The following MCU variants were observed in gnomAD, a reference collection of about 807,000 sequenced individuals.
MCU encodes calcium uniporter protein, mitochondrial.
Under a neutral mutation model 45.2 loss-of-function variants are expected in MCU, and 12 were observed. The ratio of observed to expected loss-of-function variants is 0.27; its 90% CI spans 0.17 to 0.43. The LOEUF (loss-of-function observed/expected upper bound fraction) is 0.43. Among genes scored for constraint, MCU ranks in the 20% least tolerant of loss-of-function variants. The pLI is 1.00. For missense variants in MCU, 324 were observed against 436.7 expected (o/e 0.74, Z 2.30); for synonymous variants, 160 against 165.1 (o/e 0.97, Z 0.24).
At position 72,853,060 on chromosome 10, in the gene MCU, A is replaced by T. The variant is rs116177788; in HGVS notation, c.221-6117A>T. Among the ~76,000 whole-genome samples the T allele has an allele frequency of 1.1e-3, 168 of 152,322 alleles. 1 individual carries two copies. Among genetic ancestry groups the T allele is most frequent in the African/African-American group, 3.9e-3 (161 of 41,574 alleles). On this transcript the variant is annotated intron_variant, in intron 2 of 7. Transcript: ENST00000373053. The stretch of plus-strand genomic sequence containing the variant: ...GAAAGGGCCAAACTAACATGCAACT[A>T]ATTTAACTATACAAGATCCAGCACT...
At chr10:72,857,165 T>G (rs1272046839) in intron 2 of MCU, among the ~76,000 whole-genome samples, 1 of 152,134 alleles carries the variant, frequency 6.6e-6, no homozygotes, top group African/African-American at 2.4e-5. Flanking sequence ...TTATGTATCA[T>G]GTAATATGCT....
intron 1 of MCU, among the ~76,000 whole-genome samples, chr10:72,793,030 C>T (rs1589462593): frequency 6.6e-6 from 1 of 152,156 alleles, no homozygotes; most frequent in East Asian, 1.9e-4. Context: ...AGGCGCATGC[C>T]ACCATGCCCG....
chr10:72,817,514 T>C (rs886225089), intron 1 of MCU, among the ~76,000 whole-genome samples: 2 of 152,242 alleles, frequency 1.3e-5, no homozygotes, highest in African/African-American at 2.4e-5. Context: ...AGAATTTTAT[T>C]GTCTTTAAGA....
In MCU at chr10:72,868,714, C is replaced by T. The variant is rs1331392304; in HGVS notation, c.508C>T (p.His170Tyr). 2 of 1,613,066 alleles carry T rather than the reference C, an allele frequency of 1.2e-6. No homozygotes were observed. The highest frequency in any genetic ancestry group is 1.7e-5 in the Admixed American group (1 of 59,634). The change falls in exon 5 of 8, where the codon CAT (histidine) becomes TAT (tyrosine). Residue 170 changes from histidine (H) to tyrosine (Y), a missense_variant. Physicochemically the swap from His to Tyr is moderately conservative, Grantham distance 83. Coordinates refer to ENST00000373053, the MANE Select transcript of MCU (RefSeq NM_138357.3). ...VRPPKRDLLS[H>Y]ENAATLNDVK... is the part of the protein sequence containing the mutation. ...AACTTTTGTTTCAGACCTCTTAAGT[C>T]ATGAAAATGCAGCAACGCTGAATGA... is the stretch of plus-strand genomic sequence containing the variant.
At chr10:72,731,039 T>G (rs907305119) in intron 1 of MCU, 1 of 152,194 alleles carries the variant, frequency 6.6e-6, no homozygotes, top group Non-Finnish European at 1.5e-5. Context: ...CCACCGGCCT[T>G]GGCCTCCCAA....
At chr10:72,751,357 T>C (rs1291801079) in intron 1 of MCU, among the ~76,000 whole-genome samples, 11 of 124,358 alleles carry the variant, frequency 8.8e-5, no homozygotes, top group African/African-American at 3.3e-4. Flanking sequence ...TTTTTTTTTT[T>C]TTTTTTTTTT....
At chr10:72,857,164 A>T (rs1305418256) in intron 2 of MCU, among the ~76,000 whole-genome samples, 1 of 152,064 alleles carries the variant, frequency 6.6e-6, no homozygotes, top group East Asian at 1.9e-4. Context: ...TTTATGTATC[A>T]TGTAATATGC....
intron 1 of MCU, among the ~76,000 whole-genome samples, chr10:72,819,301 A>C (rs927985999): frequency 7.2e-5 from 11 of 152,220 alleles, no homozygotes; most frequent in Admixed American, 7.2e-4. Flanking sequence ...GTAGAAGAGA[A>C]AGAAGAGGGG....
At chr10:72,692,616 C>T (rs866489869) in intron 1 of MCU, 2 of 1,101,154 alleles carry the variant, frequency 1.8e-6, no homozygotes, top group African/African-American at 1.6e-5. Flanking sequence ...CGTTCCCTCC[C>T]TTCTTCGTTC....
chr10:72,848,730 A>ATGTGTG lies in MCU; in HGVS notation c.221-10437_221-10432dup, dbSNP rs67441573. On this transcript the variant is annotated intron_variant, in intron 2 of 7. Coordinates refer to ENST00000373053, the MANE Select transcript of MCU (RefSeq NM_138357.3). ...TGTGTATTGAGATATATGTTTGTGT[A>ATGTGTG]TGTGTGTGTGTGTGTCTGCCTGTGC... 7.3e-5 allele frequency among the ~76,000 whole-genome samples: 11 copies of ATGTGTG among 151,094 alleles called. 1 individual carries two copies. The South Asian group carries it at 2.3e-3, about 32-fold the overall frequency.
intron 1 of MCU, among the ~76,000 whole-genome samples, chr10:72,702,152 G>A (rs1012034278): frequency 6.6e-6 from 1 of 151,630 alleles, no homozygotes; most frequent in Non-Finnish European, 1.5e-5. Flanking sequence ...TTGGGAGGCC[G>A]AGGCAGGAGA....
At chr10:72,856,745 G>A (rs1845295816) in intron 2 of MCU, among the ~76,000 whole-genome samples, 4 of 146,660 alleles carry the variant, frequency 2.7e-5, no homozygotes, top group Admixed American at 1.4e-4. Flanking sequence ...ACCAGCCTGG[G>A]CAACGTGGTG....
At chr10:72,830,463 C>G (rs982712875) in intron 1 of MCU, among the ~76,000 whole-genome samples, 1 of 152,036 alleles carries the variant, frequency 6.6e-6, no homozygotes, top group Middle Eastern at 3.4e-3. Flanking sequence ...TTAAGAGATA[C>G]GGAAGGGGAA....
intron 2 of MCU, among the ~76,000 whole-genome samples, chr10:72,851,244 A>G (rs1845202931): frequency 6.6e-6 from 1 of 152,226 alleles, no homozygotes; most frequent in Non-Finnish European, 1.5e-5. Flanking sequence ...AAAGACCTTC[A>G]TATTCTCTGT....
intron 1 of MCU, among the ~76,000 whole-genome samples, chr10:72,777,731 A>G (rs1309097227): frequency 6.6e-6 from 1 of 152,204 alleles, no homozygotes; most frequent in Non-Finnish European, 1.5e-5. Flanking sequence ...CTGCACAGCA[A>G]AGGAAACAGT....
In MCU at chr10:72,699,888, G is replaced by A. The variant is rs1414388703; in HGVS notation, c.150+7587G>A. Among the ~76,000 whole-genome samples the A allele has an allele frequency of 3.3e-5, 5 of 152,062 alleles. No individual in the cohort carries two copies. In the East Asian group the frequency reaches 9.7e-4, roughly 30 times the overall value. ...GTTACAGGTGTGAGCCACTGCGCCC[G>A]GCCGAAATGGTTTTTTTCTTAGTAG... is the stretch of plus-strand genomic sequence containing the variant. On this transcript the variant is annotated intron_variant, in intron 1 of 7. Transcript: ENST00000373053.
chr10:72,718,419 T>G (rs1842979816), intron 1 of MCU, among the ~76,000 whole-genome samples: 1 of 152,230 alleles, frequency 6.6e-6, no homozygotes, highest in South Asian at 2.1e-4. Context: ...TATTCTAAAG[T>G]AAATTGCCTC....
At chr10:72,824,113 TTTG>T (rs1277203017) in intron 1 of MCU, among the ~76,000 whole-genome samples, 1 of 152,048 alleles carries the variant, frequency 6.6e-6, no homozygotes, top group Non-Finnish European at 1.5e-5. Flanking sequence ...TGGAATGTGA[TTTG>T]TTGTTCTTAC....
At chr10:72,815,305 G>A (rs941730591) in intron 1 of MCU, among the ~76,000 whole-genome samples, 23 of 152,274 alleles carry the variant, frequency 1.5e-4, no homozygotes, top group African/African-American at 5.1e-4. Flanking sequence ...GCTGAACTTC[G>A]TTCTTGAGAA....
Sources: allele counts gnomAD v4.1 joint callset (sites outside exome capture counted in the v4.1 genomes callset), GRCh38; gene constraint gnomAD v4.1.1; transcripts MANE v1.5; gene names NCBI Gene and HGNC (gene_info 2026-07-23, HGNC 2026-07-21).